Variants in RTF1 observed in about 807,000 individuals in gnomAD.
RTF1 encodes the protein RTF1 homolog, Paf1/RNA polymerase II complex component, also known as RNA polymerase-associated protein RTF1 homolog.
Under a neutral mutation model 95.7 loss-of-function variants are expected in RTF1, and 10 were observed. The observed-to-expected ratio is 0.10, with a 90% CI of 0.06 to 0.18. The LOEUF is 0.18. RTF1 is among the 10% of genes least tolerant of loss of function. RTF1 has a pLI of 1.00. For missense variants in RTF1, 458 were observed against 875.6 expected, an observed-to-expected ratio of 0.52 and a Z score of 6.02; for synonymous variants, 305 against 311.8, an observed-to-expected ratio of 0.98 and a Z score of 0.23.
intron 8 of RTF1, among the ~76,000 whole-genome samples, chr15:41,472,808 TCTC>T (rs1442463447): frequency 6.6e-6 from 1 of 151,950 alleles, no homozygotes; most frequent in African/African-American, 2.4e-5. Flanking sequence ...TTCACGCCAT[TCTC>T]CTGTCTCAGC....
intron 8 of RTF1, 169 bp from the exon 9 acceptor site, chr15:41,474,451 C>T (rs933708477): frequency 6.6e-6 from 4 of 604,392 alleles, no homozygotes; most frequent in African/African-American, 1.8e-5. Context: ...TGTGCTTGGC[C>T]ATCTGGATTC....
At chr15:41,430,223 C>G (rs1244376674) in intron 1 of RTF1, among the ~76,000 whole-genome samples, 1 of 143,252 alleles carries the variant, frequency 7.0e-6, no homozygotes, top group African/African-American at 2.6e-5. Flanking sequence ...GCCCCCTAGG[C>G]TGGAGTGCAG....
intron 6 of RTF1, among the ~76,000 whole-genome samples, chr15:41,469,812 A>G (rs2050900613): frequency 6.6e-6 from 1 of 152,124 alleles, no homozygotes; most frequent in Non-Finnish European, 1.5e-5. Flanking sequence ...GGCGTAAGCC[A>G]CCGCACCCGT....
intron 10 of RTF1, 37 bp from the exon 11 acceptor site, chr15:41,475,675 C>A (rs770337375): frequency 1.2e-5 from 20 of 1,600,208 alleles, no homozygotes; most frequent in Non-Finnish European, 1.7e-5. Flanking sequence ...TTTCCAAAAT[C>A]CCTTACTAAT....
intron 1 of RTF1, among the ~76,000 whole-genome samples, chr15:41,418,664 G>T (rs1342314433): frequency 2.0e-5 from 3 of 151,942 alleles, no homozygotes; most frequent in African/African-American, 7.3e-5. Context: ...TACAAAATTA[G>T]CGGGGCGTGG....
chr15:41,478,792 A>AT (rs1185342727), intron 15 of RTF1, 167 bp downstream of exon 15: 7 of 638,080 alleles, frequency 1.1e-5, no homozygotes, highest in Non-Finnish European at 1.9e-5. Flanking sequence ...GCTATAGGAC[A>AT]TATCGGTAGT....
chr15:41,428,257 C>CA, intron 1 of RTF1, among the ~76,000 whole-genome samples: 1 of 95,956 alleles, frequency 1.0e-5, no homozygotes, highest in East Asian at 3.2e-4. Flanking sequence ...ACTGATATCC[C>CA]TTTTTTTTTT....
intron 1 of RTF1, among the ~76,000 whole-genome samples, chr15:41,422,288 T>C (rs2050606552): frequency 6.6e-6 from 1 of 152,182 alleles, no homozygotes. Context: ...GGCCTTATTT[T>C]AACCTTTGAA....
chr15:41,445,399 C>T (rs937233200), intron 2 of RTF1, among the ~76,000 whole-genome samples: 2 of 152,164 alleles, frequency 1.3e-5, no homozygotes, highest in African/African-American at 4.8e-5. Flanking sequence ...AATTCCGACA[C>T]TCCCAACCTA....
At chr15:41,427,334 G>T (rs994782217) in intron 1 of RTF1, among the ~76,000 whole-genome samples, 1 of 149,842 alleles carries the variant, frequency 6.7e-6, no homozygotes, top group Admixed American at 6.7e-5. Flanking sequence ...TGTATTTTTA[G>T]TAGAGACGGG....
chr15:41,438,936 C>G (rs1295261368), intron 2 of RTF1, among the ~76,000 whole-genome samples: 1 of 149,740 alleles, frequency 6.7e-6, no homozygotes, highest in African/African-American at 2.4e-5. Context: ...CTAGTGGGTC[C>G]CTCTGCAGGA....
In RTF1 at chr15:41,482,529, T is replaced by C. The variant is rs2050982899; in HGVS notation, c.*1842T>C. 6.6e-6 allele frequency: 1 copy of C among 152,378 alleles called. No individual in the cohort carries two copies. Among genetic ancestry groups the C allele is most frequent in the Non-Finnish European group, 1.5e-5 (1 of 68,016 alleles). The allele number at this position is 152,378 out of a possible 1,614,324, so 9.4% of individuals were successfully genotyped here. Reference sequence around the variant, plus strand: ...GAGCCTCAGTGTCGCTTTAACTTAGTTTACTTTTTTTTTATTTTTAAAGCA... The same window carrying C: ...GAGCCTCAGTGTCGCTTTAACTTAGCTTACTTTTTTTTTATTTTTAAAGCA... On this transcript the variant is annotated 3_prime_UTR_variant, in exon 18 of 18. Coordinates refer to ENST00000389629, the MANE Select transcript of RTF1 (RefSeq NM_015138.5).
At chr15:41,430,145 T>G in intron 1 of RTF1, among the ~76,000 whole-genome samples, 1 of 150,462 alleles carries the variant, frequency 6.6e-6, no homozygotes, top group Non-Finnish European at 1.5e-5. Flanking sequence ...GTAGCTGGGA[T>G]TACAGGTGCA....
At chr15:41,436,623 CAAAA>C (rs1217444789) in intron 1 of RTF1, among the ~76,000 whole-genome samples, 3 of 50,812 alleles carry the variant, frequency 5.9e-5, no homozygotes, top group Admixed American at 2.1e-4. Context: ...GACTCTGTCT[CAAAA>C]AAAAAAAAAA....
At chr15:41,449,578 A>C (rs2050780420) in intron 2 of RTF1, among the ~76,000 whole-genome samples, 1 of 151,838 alleles carries the variant, frequency 6.6e-6, no homozygotes, top group African/African-American at 2.4e-5. Flanking sequence ...CCTGTGTTCA[A>C]GTGATCCTCC....
chr15:41,464,933 A>AGTGTGTGTGTGTGT (rs67065750), intron 5 of RTF1, 48 bp downstream of exon 5: 37 of 1,304,628 alleles, frequency 2.8e-5, no homozygotes, highest in Middle Eastern at 5.9e-4. Context: ...ACCTGTTTTG[A>AGTGTGTGTGTGTGT]GTGTGTGTGT....
chr15:41,472,417 G>A (rs1029804680), intron 8 of RTF1, among the ~76,000 whole-genome samples: 1 of 152,060 alleles, frequency 6.6e-6, no homozygotes, highest in Non-Finnish European at 1.5e-5. Flanking sequence ...ATGTTGGCCA[G>A]GCTGGTCTTG....
At position 41,449,227 on chromosome 15, in the gene RTF1, A is replaced by ATTTTTTTTTTTTTTTTT. The variant is rs34660598; in HGVS notation, c.310-3669_310-3653dup. On this transcript the variant is annotated intron_variant, in intron 2 of 17. Coordinates refer to ENST00000389629, the MANE Select transcript of RTF1 (RefSeq NM_015138.5). ...TTGTCCCTGTTGTGGAGGCAGGTGA[A>ATTTTTTTTTTTTTTTTT]TTTTTTTTTTTTTTTTTTTTTGAGA... Among the ~76,000 whole-genome samples, 72 of 109,284 alleles carry ATTTTTTTTTTTTTTTTT rather than the reference A, an allele frequency of 6.6e-4. 5 individuals are homozygous for ATTTTTTTTTTTTTTTTT. Among genetic ancestry groups the ATTTTTTTTTTTTTTTTT allele is most frequent in the African/African-American group, 2.3e-3 (60 of 26,388 alleles). The allele number at this position is 109,284 out of a possible 152,430, so 71.7% of individuals were successfully genotyped here. A position where few individuals can be genotyped will look rare whatever the true frequency, so the allele number is the denominator to read the frequency against.
intron 2 of RTF1, among the ~76,000 whole-genome samples, chr15:41,444,039 G>A (rs2050748453): frequency 6.6e-6 from 1 of 150,390 alleles, no homozygotes; most frequent in Non-Finnish European, 1.5e-5. Flanking sequence ...CTGCACTCCA[G>A]CCTGGGCGAC....
Sources: allele counts gnomAD v4.1 joint callset (sites outside exome capture counted in the v4.1 genomes callset), GRCh38; gene constraint gnomAD v4.1.1; transcripts MANE v1.5; gene names NCBI Gene and HGNC (gene_info 2026-07-23, HGNC 2026-07-21).